The following NFIB variants were observed in gnomAD, a reference collection of about 807,000 sequenced individuals.
NFIB encodes the protein nuclear factor I B.
A neutral mutation model predicts 61.5 loss-of-function variants in NFIB; 11 were observed. The ratio of observed to expected loss-of-function variants is 0.18; its 90% CI spans 0.11 to 0.30. The LOEUF (loss-of-function observed/expected upper bound fraction) is 0.30, where lower values mean the gene tolerates loss of function less well. NFIB is among the 10% of genes least tolerant of loss of function. The probability of loss-of-function intolerance (pLI) is 1.00; values close to 1 mark genes in which losing one functional copy is unlikely to be tolerated. For synonymous variants in NFIB, 260 were observed against 216.5 expected (o/e 1.20, Z -1.76); for missense variants, 471 against 608.9 (o/e 0.77, Z 2.38).
At chr9:14,501,150 G>C in the NFIB span, among the ~76,000 whole-genome samples, 1 of 152,162 alleles carries the variant, frequency 6.6e-6, no homozygotes, top group African/African-American at 2.4e-5. Context: ...GGAACAGAAA[G>C]TTCCAGAAGA....
Position 14,174,426 on chromosome 9 carries a change from T to C in NFIB, c.616+5301A>G, listed in dbSNP as rs556030078. 1.2e-3 allele frequency among the ~76,000 whole-genome samples: 180 copies of C among 152,250 alleles called. 2 individuals carry two copies. The highest frequency in any genetic ancestry group is 4.2e-3 in the African/African-American group (173 of 41,552). On this transcript the variant is annotated intron_variant, in intron 3 of 10. Coordinates refer to ENST00000380953, the MANE Select transcript of NFIB (RefSeq NM_001190737.2). ...CTCATTAAAAACATCTTGATCCTAA[T>C]GGACACAATAAATGAGGACATGAGA...
intron 2 of NFIB, among the ~76,000 whole-genome samples, chr9:14,196,423 T>A (rs995497640): frequency 1.3e-5 from 2 of 152,162 alleles, no homozygotes; most frequent in Non-Finnish European, 2.9e-5. Context: ...TTCTGATATC[T>A]CAGCTTCTAG....
At chr9:14,205,424 C>T (rs1261623511) in intron 2 of NFIB, among the ~76,000 whole-genome samples, 2 of 151,280 alleles carry the variant, frequency 1.3e-5, no homozygotes, top group East Asian at 2.0e-4. Context: ...CATAAGTACA[C>T]CTTCATAAGT....
intron 7 of NFIB, among the ~76,000 whole-genome samples, chr9:14,124,674 T>C (rs7048185): frequency 0.078 from 11,914 of 152,182 alleles, 1,535 homozygotes; most frequent in African/African-American, 0.27. Flanking sequence ...TACTCCTCTC[T>C]AGGTAAAAAG....
At chr9:14,459,707 G>A in the NFIB span, among the ~76,000 whole-genome samples, 2 of 152,114 alleles carry the variant, frequency 1.3e-5, no homozygotes, top group African/African-American at 4.8e-5. Context: ...AGCGGGCGAA[G>A]GATATGAATG....
intron 7 of NFIB, among the ~76,000 whole-genome samples, chr9:14,123,818 C>A (rs2039271968): frequency 6.6e-6 from 1 of 151,362 alleles, no homozygotes; most frequent in South Asian, 2.1e-4. Context: ...TGCCCCTCTT[C>A]CTCCTAGTTT....
At chr9:14,368,394 G>T (rs2061325419) in intron 1 of NFIB, among the ~76,000 whole-genome samples, 1 of 152,132 alleles carries the variant, frequency 6.6e-6, no homozygotes, top group Non-Finnish European at 1.5e-5. Context: ...TTTAAAAGTT[G>T]TTTACTTACT....
At chr9:14,433,145 A>C in the NFIB span, among the ~76,000 whole-genome samples, 1 of 152,010 alleles carries the variant, frequency 6.6e-6, no homozygotes, top group Non-Finnish European at 1.5e-5. Flanking sequence ...TACAGTTGAC[A>C]TTTTCAGGCT....
intron 1 of NFIB, among the ~76,000 whole-genome samples, chr9:14,384,321 T>C (rs1186086517): frequency 6.6e-6 from 1 of 152,142 alleles, no homozygotes; most frequent in South Asian, 2.1e-4. Context: ...CCTTGACAAA[T>C]ATTCAGGTAG....
the NFIB span, among the ~76,000 whole-genome samples, chr9:14,531,442 G>A: frequency 6.6e-6 from 1 of 152,134 alleles, no homozygotes; most frequent in African/African-American, 2.4e-5. Context: ...AAAGGGAGGT[G>A]GATTCCAAAT....
intron 2 of NFIB, among the ~76,000 whole-genome samples, chr9:14,198,871 CA>C (rs1207249275): frequency 6.6e-6 from 1 of 152,212 alleles, no homozygotes; most frequent in Admixed American, 6.5e-5. Context: ...AACCAATCTC[CA>C]CTTTTCTCCC....
the NFIB span, among the ~76,000 whole-genome samples, chr9:14,437,945 G>A: frequency 0.39 from 59,276 of 152,032 alleles, 13,172 homozygotes; most frequent in African/African-American, 0.61. Flanking sequence ...AAGAATCCAC[G>A]GTTCCCTCCT....
intron 6 of NFIB, among the ~76,000 whole-genome samples, chr9:14,140,604 G>A (rs1190993290): frequency 6.6e-6 from 1 of 152,156 alleles, no homozygotes; most frequent in African/African-American, 2.4e-5. Context: ...TCTTTTGTAT[G>A]TAGCATATCT....
At chr9:14,279,444 A>G in intron 2 of NFIB, among the ~76,000 whole-genome samples, 1 of 152,122 alleles carries the variant, frequency 6.6e-6, no homozygotes, top group South Asian at 2.1e-4. Flanking sequence ...ACCTTATTAA[A>G]TCCTCATCAA....
At chr9:14,284,389 C>G (rs1298579619) in intron 2 of NFIB, among the ~76,000 whole-genome samples, 1 of 152,032 alleles carries the variant, frequency 6.6e-6, no homozygotes, top group African/African-American at 2.4e-5. Flanking sequence ...ATAGCCTTAT[C>G]TAAGAAGAAA....
chr9:14,128,256 A>G (rs1464800905), intron 6 of NFIB, among the ~76,000 whole-genome samples: 1 of 152,222 alleles, frequency 6.6e-6, no homozygotes, highest in Non-Finnish European at 1.5e-5. Flanking sequence ...TTTAAAATTA[A>G]CTGTTTGAAA....
chr9:14,118,043 A>C (rs1352074726), intron 8 of NFIB, among the ~76,000 whole-genome samples: 1 of 152,124 alleles, frequency 6.6e-6, no homozygotes. Context: ...TTTGAAATGC[A>C]AATTAATTGG....
At chr9:14,375,693 A>T (rs1431862324) in intron 1 of NFIB, among the ~76,000 whole-genome samples, 1 of 151,974 alleles carries the variant, frequency 6.6e-6, no homozygotes, top group Non-Finnish European at 1.5e-5. Flanking sequence ...GAACATTTTC[A>T]CTTACAGCTC....
chr9:14,147,031 T>C (rs539347640), intron 5 of NFIB, among the ~76,000 whole-genome samples: 3 of 152,292 alleles, frequency 2.0e-5, no homozygotes, highest in African/African-American at 7.2e-5. Context: ...CTAACAAATA[T>C]GGTGTTCATT....
Sources: gnomAD v4.1 joint callset for allele counts (sites outside exome capture counted in the v4.1 genomes callset) on GRCh38, gnomAD v4.1.1 for gene constraint, MANE v1.5 for transcripts, NCBI Gene and HGNC (gene_info 2026-07-23, HGNC 2026-07-21) for gene names.